Variants in ZBBX observed in about 807,000 individuals in gnomAD.
ZBBX encodes zinc finger B-box domain-containing protein 1.
ZBBX carries 101 observed loss-of-function variants against 108.5 expected under a neutral mutation model. The ratio of observed to expected loss-of-function variants is 0.93; its 90% CI spans 0.79 to 1.10. The LOEUF (loss-of-function observed/expected upper bound fraction) is 1.10, where lower values mean the gene tolerates loss of function less well. Among genes scored for constraint, ZBBX ranks in the 50% least tolerant of loss-of-function variants. The pLI, the probability that ZBBX is intolerant of heterozygous loss-of-function variation, is 0.00. For synonymous variants in ZBBX, 356 were observed against 323.4 expected (o/e 1.10, Z -1.08); for missense variants, 1,009 against 941.4 (o/e 1.07, Z -0.94).
intron 13 of ZBBX, 127 bp from the exon 14 acceptor site, chr3:167,317,232 T>C: frequency 1.5e-6 from 1 of 668,574 alleles, no homozygotes; most frequent in Non-Finnish European, 2.4e-6. Context: ...ACAAATACTG[T>C]CAATTTTCCC....
chr3:167,366,122 A>C, intron 5 of ZBBX, 146 bp from the exon 6 acceptor site: 1 of 508,184 alleles, frequency 2.0e-6, no homozygotes, highest in Non-Finnish European at 3.5e-6. Flanking sequence ...ATAAATATCA[A>C]TAATGTCACA....
chr3:167,232,833 C>T, the ZBBX span, among the ~76,000 whole-genome samples: 73,615 of 151,542 alleles, frequency 0.49, 18,216 homozygotes, highest in African/African-American at 0.57. Flanking sequence ...TCAAATTACA[C>T]GTGAAAGAAT....
At chr3:167,199,005 A>G in the ZBBX span, among the ~76,000 whole-genome samples, 1 of 152,238 alleles carries the variant, frequency 6.6e-6, no homozygotes, top group Non-Finnish European at 1.5e-5. Context: ...TGTTCTCCCA[A>G]AAGTAACAGG....
intron 20 of ZBBX, among the ~76,000 whole-genome samples, chr3:167,255,737 T>C (rs1211309606): frequency 1.3e-5 from 2 of 152,112 alleles, no homozygotes; most frequent in Non-Finnish European, 2.9e-5. Context: ...AGGCATGCAA[T>C]GTGTGATAAC....
intron 12 of ZBBX, among the ~76,000 whole-genome samples, chr3:167,318,338 A>G (rs1735818076): frequency 6.6e-6 from 1 of 152,002 alleles, no homozygotes; most frequent in African/African-American, 2.4e-5. Context: ...TACAAAATCT[A>G]AAATATACCA....
At chr3:167,188,902 G>T in the ZBBX span, among the ~76,000 whole-genome samples, 1 of 152,138 alleles carries the variant, frequency 6.6e-6, no homozygotes, top group African/African-American at 2.4e-5. Flanking sequence ...CTTAAAAGAA[G>T]TTATTGAGGA....
At chr3:167,191,295 G>C in the ZBBX span, among the ~76,000 whole-genome samples, 3 of 152,174 alleles carry the variant, frequency 2.0e-5, no homozygotes, top group East Asian at 5.8e-4. Flanking sequence ...CATGAGCTTT[G>C]CCATTCTGGA....
At chr3:167,258,690 T>A (rs531335987) in intron 20 of ZBBX, among the ~76,000 whole-genome samples, 1 of 152,308 alleles carries the variant, frequency 6.6e-6, no homozygotes, top group South Asian at 2.1e-4. Context: ...AAAGGGATGC[T>A]GGATTTTGTT....
intron 9 of ZBBX, among the ~76,000 whole-genome samples, chr3:167,345,578 C>CA (rs1476592975): frequency 2.0e-5 from 3 of 151,656 alleles, no homozygotes; most frequent in African/African-American, 4.8e-5. Flanking sequence ...TTTGGGAGAA[C>CA]ATTTACTTGT....
intron 18 of ZBBX, among the ~76,000 whole-genome samples, chr3:167,290,517 A>C (rs1238542659): frequency 1.3e-5 from 2 of 152,010 alleles, no homozygotes; most frequent in African/African-American, 4.8e-5. Context: ...CAACATCAAC[A>C]AAAAAAACAT....
At chr3:167,225,886 G>T in the ZBBX span, among the ~76,000 whole-genome samples, 1 of 151,592 alleles carries the variant, frequency 6.6e-6, no homozygotes, top group Non-Finnish European at 1.5e-5. Context: ...TTTTCTTGTT[G>T]CCTGAATTGA....
chr3:167,372,838 A>G lies in ZBBX; in HGVS notation c.64T>C (p.Tyr22His). The change falls in exon 4 of 22, where the codon TAT becomes CAT. Residue 22 changes from tyrosine (Y) to histidine (H), a missense_variant. Transcript: ENST00000675490. Reference sequence around the variant, plus strand: ...AATAAATATATATGAACTCACCTATATTTTAGCTTTACAGAATTTCCAGGT... The same window carrying G: ...AATAAATATATATGAACTCACCTATGTTTTAGCTTTACAGAATTTCCAGGT... The part of the protein sequence containing the change: ...GKPGNSVKLK[Y>H]RNAQELRMEK... The G allele has an allele frequency of 2.0e-6, 3 of 1,526,014 alleles. No homozygotes were observed. The highest frequency in any genetic ancestry group is 2.7e-6 in the Non-Finnish European group (3 of 1,106,764). The allele number at this position is 1,526,014 out of a possible 1,614,324, so 94.5% of individuals were successfully genotyped here.
chr3:167,378,936 CTTTGTTTATA>C (rs1747384207), intron 2 of ZBBX, among the ~76,000 whole-genome samples: 1 of 152,046 alleles, frequency 6.6e-6, no homozygotes, highest in Non-Finnish European at 1.5e-5. Context: ...TTTTTTGCAT[CTTTGTTTATA>C]TAGATTTTGT....
intron 1 of ZBBX, among the ~76,000 whole-genome samples, chr3:167,393,774 G>C (rs1312136173): frequency 2.6e-5 from 4 of 151,796 alleles, no homozygotes; most frequent in Non-Finnish European, 5.9e-5. Context: ...CTATTTTATT[G>C]AACTATTAGA....
chr3:167,296,250 C>T (rs529534808), intron 18 of ZBBX, among the ~76,000 whole-genome samples: 2 of 152,044 alleles, frequency 1.3e-5, no homozygotes, highest in South Asian at 4.2e-4. Flanking sequence ...AGGGAAATGC[C>T]TCTACACAAT....
chr3:167,225,395 T>C, the ZBBX span, among the ~76,000 whole-genome samples: 1 of 151,904 alleles, frequency 6.6e-6, no homozygotes, highest in Non-Finnish European at 1.5e-5. Flanking sequence ...GGTTCCTAAA[T>C]TATACATGGG....
intron 16 of ZBBX, among the ~76,000 whole-genome samples, chr3:167,306,848 T>G (rs1265514475): frequency 6.6e-6 from 1 of 152,178 alleles, no homozygotes; most frequent in Non-Finnish European, 1.5e-5. Flanking sequence ...CAAAGACAAA[T>G]ATCTCTATAA....
the ZBBX span, among the ~76,000 whole-genome samples, chr3:167,190,809 C>A: frequency 6.6e-6 from 1 of 152,212 alleles, no homozygotes; most frequent in Admixed American, 6.5e-5. Context: ...GCACAGAGTG[C>A]TGACAAGAGG....
chr3:167,236,169 A>G (rs1182362294), downstream of ZBBX, among the ~76,000 whole-genome samples: 1 of 151,774 alleles, frequency 6.6e-6, no homozygotes, highest in Non-Finnish European at 1.5e-5. Flanking sequence ...AAAGCTATAA[A>G]CAGATGGGAT....
Sources: gnomAD v4.1 joint callset for allele counts (sites outside exome capture counted in the v4.1 genomes callset) on GRCh38, gnomAD v4.1.1 for gene constraint, MANE v1.5 for transcripts, NCBI Gene and HGNC (gene_info 2026-07-23, HGNC 2026-07-21) for gene names.